Variants in RBP5 observed in about 807,000 individuals in gnomAD.
RBP5 encodes retinol-binding protein 5.
RBP5 carries 12 observed loss-of-function variants against 17.8 expected under a neutral mutation model. The ratio of observed to expected loss-of-function variants is 0.67; its 90% confidence interval spans 0.43 to 1.09. RBP5 has a LOEUF of 1.09. Ranked by LOEUF, RBP5 falls within the 50% of genes least tolerant of loss-of-function variation. The probability of loss-of-function intolerance (pLI) is 0.00; values close to 1 mark genes in which losing one functional copy is unlikely to be tolerated. For missense variants in RBP5, 172 were observed against 169.4 expected (o/e 1.02, Z -0.09); for synonymous variants, 64 against 68.1 (o/e 0.94, Z 0.30).
downstream of RBP5, among the ~76,000 whole-genome samples, chr12:7,123,187 C>G (rs1010598483): frequency 6.6e-6 from 1 of 152,164 alleles, no homozygotes; most frequent in Non-Finnish European, 1.5e-5. Flanking sequence ...CCTGAGCCAG[C>G]TCCACCCTTC....
intron 2 of RBP5, among the ~76,000 whole-genome samples, chr12:7,126,777 T>C (rs1039375988): frequency 1.3e-5 from 2 of 152,064 alleles, no homozygotes; most frequent in Non-Finnish European, 2.9e-5. Context: ...TTAGTATCTG[T>C]AGAGAAACTA....
chr12:7,124,230 G>A lies in RBP5; in HGVS notation c.355-56C>T. 1.3e-6 allele frequency: 2 copies of A among 1,554,144 alleles called. No individual in the cohort carries two copies. Among genetic ancestry groups the A allele is most frequent in the South Asian group, 1.1e-5 (1 of 89,668 alleles). On this transcript the variant is annotated intron_variant, in intron 3 of 3. Transcript: ENST00000266560. The surrounding 1 kb of genome is among the most constrained non-coding windows in gnomAD (Gnocchi z 5.3). ...AGAAAGAGGGCGTTTGCCAGCCAGA[G>A]CCCCTTTCTCAAGGTCCTTGACCTC...
chr12:7,122,959 C>T (rs996286841), downstream of RBP5, among the ~76,000 whole-genome samples: 17 of 152,088 alleles, frequency 1.1e-4, no homozygotes, highest in African/African-American at 3.9e-4. Context: ...GTCTTGTGTG[C>T]ATGGGGGGGC....
rs769334257 is a variant in RBP5 at position 7,123,832 on chromosome 12, G to A, written c.*289C>T. ...GAGGTCAAATGGACAGGAGAGAGCG[G>A]AGATTGGTTGTTCTCAGGGGCTCCT... On this transcript the variant is annotated 3_prime_UTR_variant, in exon 4 of 4. Transcript: ENST00000266560. 4 of 419,186 alleles carry A rather than the reference G, an allele frequency of 9.5e-6. No individual in the cohort carries two copies. Among genetic ancestry groups the A allele is most frequent in the Admixed American group, 3.6e-5 (1 of 27,604 alleles). The allele number at this position is 419,186 out of a possible 1,614,324, so 26.0% of individuals were successfully genotyped here. A position where few individuals can be genotyped will look rare whatever the true frequency, so the allele number is the denominator to read the frequency against.
downstream of RBP5, among the ~76,000 whole-genome samples, chr12:7,119,224 G>C (rs1401568031): frequency 6.6e-6 from 1 of 151,422 alleles, no homozygotes; most frequent in South Asian, 2.1e-4. Context: ...CAAGGGCTGG[G>C]GGGTAGGGGT....
chr12:7,122,945 G>A (rs1219820115), downstream of RBP5, among the ~76,000 whole-genome samples: 2 of 152,044 alleles, frequency 1.3e-5, no homozygotes, highest in Admixed American at 6.5e-5. Flanking sequence ...GAGCCCTAGT[G>A]ACTGTCTTGT....
exon 4 of RBP5, chr12:7,116,274 C>T (rs966014318): frequency 1.8e-4 from 28 of 152,238 alleles, no homozygotes; most frequent in African/African-American, 6.8e-4. Flanking sequence ...GTCAAACTGA[C>T]CATCCAGGTT....
At position 7,124,133 on chromosome 12, in the gene RBP5, C is replaced by T; in HGVS notation, c.396G>A (p.Arg132=). 6.2e-7 allele frequency: 1 copy of T among 1,614,092 alleles called. No homozygotes were observed. The highest frequency in any genetic ancestry group is 1.1e-5 in the South Asian group (1 of 91,072). The change falls in exon 4 of 4, where the codon AGG becomes AGA. Residue 132 remains arginine, a synonymous_variant. Transcript: ENST00000266560. The surrounding 1 kb of genome is among the most constrained non-coding windows in gnomAD (Gnocchi z 5.3). ...GGCTCCTCTCCGGCTATCTGACCTT[C>T]CTGAAGACCTGCTCGCACACTGCAT... ...ARDAVCEQVF[R]KVR is the part of the protein sequence containing the mutation.
rs1235304336 is a variant in RBP5, at chr12:7,128,503, C to T, written c.74-85G>A. Reference sequence around the variant, plus strand: ...AGCAGCCCCTCAGGGCTGTGAGTTTCCCTTCTTTGGGTCTGGGACTGTGGA... The same window carrying T: ...AGCAGCCCCTCAGGGCTGTGAGTTTTCCTTCTTTGGGTCTGGGACTGTGGA... On this transcript the variant is annotated intron_variant, in intron 1 of 3. Coordinates refer to ENST00000266560, the MANE Select transcript of RBP5 (RefSeq NM_031491.4). The surrounding 1 kb of genome is among the most constrained non-coding windows in gnomAD (Gnocchi z 5.3). 2 of 1,437,660 alleles carry T rather than the reference C, an allele frequency of 1.4e-6. No homozygotes were observed. The highest frequency in any genetic ancestry group is 4.6e-5 in the East Asian group (2 of 43,492). The allele number at this position is 1,437,660 out of a possible 1,614,324, so 89.1% of individuals were successfully genotyped here.
chr12:7,120,050 G>A (rs551475950), downstream of RBP5, among the ~76,000 whole-genome samples: 1 of 152,058 alleles, frequency 6.6e-6, no homozygotes, highest in Non-Finnish European at 1.5e-5. Flanking sequence ...ACAGAACAGA[G>A]GCTCTGAGAG....
chr12:7,127,517 GT>G (rs1198296479), intron 2 of RBP5: 11 of 617,036 alleles, frequency 1.8e-5, no homozygotes, highest in African/African-American at 3.7e-5. Context: ...ATACTGTATT[GT>G]TTTTTATTTG....
At position 7,126,609 on chromosome 12, in the gene RBP5, G is replaced by A. The variant is rs548567027; in HGVS notation, c.252+1631C>T. Among the ~76,000 whole-genome samples the A allele has an allele frequency of 5.9e-4, 90 of 151,406 alleles. 3 individuals are homozygous for A. The South Asian group carries it at 0.018, about 31-fold the overall frequency. On this transcript the variant is annotated intron_variant, in intron 2 of 3. Transcript: ENST00000266560. ...AAGAGATATTGACCATGACTCCCAG[G>A]TCTCTGGCCTGGCTGGTTATTGCCA...
chr12:7,118,094 A>G (rs1939028085), intron 3 of RBP5: 1 of 152,150 alleles, frequency 6.6e-6, no homozygotes, highest in Non-Finnish European at 1.5e-5. Context: ...CCCTCATTCA[A>G]GAGGCCCACC....
intron 2 of RBP5, chr12:7,127,800 C>G: frequency 1.5e-6 from 1 of 682,354 alleles, no homozygotes. Flanking sequence ...AAGAACAAAA[C>G]TCTGCGGAGA....
upstream of RBP5, chr12:7,129,317 G>A (rs1185956901): frequency 5.6e-6 from 1 of 178,630 alleles, no homozygotes; most frequent in Non-Finnish European, 1.2e-5. The surrounding 1 kb of genome is among the most constrained non-coding windows in gnomAD (Gnocchi z 5.5). Flanking sequence ...GTGAGGGGAG[G>A]GGGTGAGGAT....
At chr12:7,126,809 T>C (rs961225912) in intron 2 of RBP5, among the ~76,000 whole-genome samples, 1 of 152,080 alleles carries the variant, frequency 6.6e-6, no homozygotes, top group African/African-American at 2.4e-5. Context: ...CTGTGTACTT[T>C]ATTATTATCA....
intron 2 of RBP5, among the ~76,000 whole-genome samples, chr12:7,126,489 T>G (rs890768918): frequency 2.6e-5 from 3 of 116,074 alleles, no homozygotes; most frequent in South Asian, 3.6e-4. Context: ...GCCGATTAGA[T>G]GTGGTGGTGG....
At position 7,126,521 on chromosome 12, in the gene RBP5, GT is replaced by G. The variant is rs922376770; in HGVS notation, c.252+1718del. Among the ~76,000 whole-genome samples, 9 of 85,602 alleles carry G rather than the reference GT, an allele frequency of 1.1e-4. No individual in the cohort carries two copies. In the South Asian group the frequency reaches 1.5e-3, roughly 15 times the overall value. The allele number at this position is 85,602 out of a possible 152,430, so 56.2% of individuals were successfully genotyped here. On this transcript the variant is annotated intron_variant, in intron 2 of 3. Transcript: ENST00000266560. Reference sequence around the variant, plus strand: ...GTGGTGGTGGTGGTGGTGTGTGTGTGTGTGTGTGTGTGTGTGTGTGTGTGTG... The same window carrying G: ...GTGGTGGTGGTGGTGGTGTGTGTGTGGTGTGTGTGTGTGTGTGTGTGTGTG...
downstream of RBP5, chr12:7,119,147 T>C (rs895935624): frequency 7.3e-6 from 1 of 137,828 alleles, no homozygotes; most frequent in Non-Finnish European, 1.5e-5. Context: ...GGATGTGGCC[T>C]CTGCTGCTGG....
Sources: allele counts gnomAD v4.1 joint callset (sites outside exome capture counted in the v4.1 genomes callset), GRCh38; gene constraint gnomAD v4.1.1; non-coding constraint Gnocchi (gnomAD v3.1); transcripts MANE v1.5; gene names NCBI Gene and HGNC (gene_info 2026-07-23, HGNC 2026-07-21).